Variants in BAHCC1 observed in about 807,000 individuals in gnomAD.
BAHCC1 encodes BAH domain and coiled-coil containing 1.
A neutral mutation model predicts 88.2 loss-of-function variants in BAHCC1; 43 were observed. The observed-to-expected ratio is 0.49, with a 90% CI of 0.38 to 0.63. The LOEUF is 0.63. BAHCC1 is among the 20% of genes least tolerant of loss of function. The pLI is 0.00. For missense variants in BAHCC1, 3,023 were observed against 1,654.8 expected (o/e 1.83, Z -14.34); for synonymous variants, 1,510 against 745.5 (o/e 2.03, Z -16.71).
At chr17:81,430,834 C>G (rs1402131454) in intron 3 of BAHCC1, among the ~76,000 whole-genome samples, 4 of 151,948 alleles carry the variant, frequency 2.6e-5, no homozygotes, top group Non-Finnish European at 4.4e-5. Flanking sequence ...GGCCCGCTGA[C>G]CACCCCAGCA....
intron 2 of BAHCC1, among the ~76,000 whole-genome samples, chr17:81,400,212 G>A (rs2063797041): frequency 1.3e-5 from 2 of 152,040 alleles, no homozygotes; most frequent in Admixed American, 1.3e-4. Context: ...GCCCCCTCCT[G>A]CAGATCTAAA....
chr17:81,452,542 G>A (rs1427490922), intron 13 of BAHCC1, among the ~76,000 whole-genome samples, 181 bp from the exon 14 acceptor site: 2 of 152,050 alleles, frequency 1.3e-5, no homozygotes, highest in African/African-American at 4.8e-5. Context: ...TAGGAGGTGG[G>A]GGCGGCGGGG....
chr17:81,461,292 T>A lies in BAHCC1; in HGVS notation c.6629T>A (p.Leu2210Gln). The change falls in exon 26 of 28, where the codon CTG becomes CAG. Residue 2210 changes from leucine (L) to glutamine (Q), a missense_variant. Physicochemically the swap from Leu to Gln is moderately radical, Grantham distance 113. Coordinates refer to ENST00000675386, the MANE Select transcript of BAHCC1 (RefSeq NM_001377448.1). ...RRAGGEFLVKLDHEGVTSPKN... is the reference protein window; with the variant it reads ...RRAGGEFLVKQDHEGVTSPKN... The stretch of plus-strand genomic sequence containing the variant: ...GCGGGCGGTGAGTTCCTGGTCAAGC[T>A]GGACCACGAGGGTGTGACCTCCCCC... 4.2e-6 allele frequency: 3 copies of A among 711,870 alleles called. No homozygotes were observed. The highest frequency in any genetic ancestry group is 7.8e-6 in the Non-Finnish European group (3 of 386,238). 44.1% of individuals were successfully genotyped at this position (711,870 alleles called of 1,614,324 possible). A position where few individuals can be genotyped will look rare whatever the true frequency, so the allele number is the denominator to read the frequency against.
At chr17:81,402,426 C>G (rs562113198) in intron 2 of BAHCC1, 9 of 152,294 alleles carry the variant, frequency 5.9e-5, no homozygotes, top group African/African-American at 2.2e-4. Flanking sequence ...TATATATGAT[C>G]TAGTTTAGAG....
At chr17:81,450,756 G>A (rs538421394) in intron 11 of BAHCC1, among the ~76,000 whole-genome samples, 17 of 152,268 alleles carry the variant, frequency 1.1e-4, no homozygotes, top group Admixed American at 4.6e-4. Context: ...ACCCCTGCCC[G>A]CTGCCCTCCT....
intron 3 of BAHCC1, among the ~76,000 whole-genome samples, chr17:81,436,717 C>T (rs2064342328): frequency 6.6e-6 from 1 of 152,322 alleles, no homozygotes; most frequent in African/African-American, 2.4e-5. Context: ...GTCGGCCAGG[C>T]TCGAGCCTCA....
chr17:81,440,799 C>T (rs1555652380), intron 4 of BAHCC1, among the ~76,000 whole-genome samples: 1 of 152,220 alleles, frequency 6.6e-6, no homozygotes, highest in African/African-American at 2.4e-5. Flanking sequence ...GCTCTCTGCC[C>T]CCGGAGCCAC....
chr17:81,461,182 G>T lies in BAHCC1; in HGVS notation c.6519G>T (p.Gly2173=). Residue 2173 remains glycine (G), a synonymous_variant, in exon 26 of 28, where the codon GGG becomes GGT. Coordinates refer to ENST00000675386, the MANE Select transcript of BAHCC1 (RefSeq NM_001377448.1). ...ACGCGCCCTTCGTCGGGGGGACCGG[G>T]CCGGGCCTCCCCAGGGGAGCCCACA... ...SSYAPFVGGT[G]PGLPRGAHKL... 3 of 746,440 alleles carry T rather than the reference G, an allele frequency of 4.0e-6. No homozygotes were observed. The highest frequency in any genetic ancestry group is 7.4e-6 in the Non-Finnish European group (3 of 407,214). The allele number at this position is 746,440 out of a possible 1,614,324, so 46.2% of individuals were successfully genotyped here. A position where few individuals can be genotyped will look rare whatever the true frequency, so the allele number is the denominator to read the frequency against.
chr17:81,458,476 G>T lies in BAHCC1; in HGVS notation c.5343+10G>T. 1 of 698,130 alleles carries T rather than the reference G, an allele frequency of 1.4e-6. No homozygotes were observed. The allele number at this position is 698,130 out of a possible 1,614,324, so 43.2% of individuals were successfully genotyped here. A position where few individuals can be genotyped will look rare whatever the true frequency, so the allele number is the denominator to read the frequency against. The stretch of plus-strand genomic sequence containing the variant: ...GCAGCCAGTGCTGCGGGTGAGGCTG[G>T]GCTCTGGGGTGCTGGGCGGAGAGGG... On this transcript the variant is annotated intron_variant, in intron 18 of 27. Coordinates refer to ENST00000675386, the MANE Select transcript of BAHCC1 (RefSeq NM_001377448.1).
rs1555654892 is a variant in BAHCC1, at chr17:81,447,546, A to G, written c.3674A>G (p.Asp1225Gly). 4 of 757,164 alleles carry G rather than the reference A, an allele frequency of 5.3e-6. No individual in the cohort carries two copies. Among genetic ancestry groups the G allele is most frequent in the Non-Finnish European group, 9.8e-6 (4 of 407,240 alleles). The allele number at this position is 757,164 out of a possible 1,614,324, so 46.9% of individuals were successfully genotyped here. Reference sequence around the variant, plus strand: ...GGGGAGCAGCCGGCCCCTGAGGAGGACGAGCTGGAGGAAGACGAGCTGGGG... The same window carrying G: ...GGGGAGCAGCCGGCCCCTGAGGAGGGCGAGCTGGAGGAAGACGAGCTGGGG... The part of the protein sequence containing the change: ...DEGEQPAPEE[D>G]ELEEDELGQQ... The change falls in exon 11 of 28, where the codon GAC (aspartate) becomes GGC (glycine). Residue 1225 changes from aspartate (D) to glycine (G), a missense_variant. Physicochemically the swap from Asp to Gly is moderately conservative, Grantham distance 94. Transcript: ENST00000675386.
chr17:81,453,638 G>A (rs1326863890), intron 14 of BAHCC1, among the ~76,000 whole-genome samples: 1 of 151,914 alleles, frequency 6.6e-6, no homozygotes, highest in African/African-American at 2.4e-5. Flanking sequence ...CTCCTGGGGG[G>A]GGGTCTCCTG....
intron 2 of BAHCC1, among the ~76,000 whole-genome samples, chr17:81,418,145 T>C (rs1276660429): frequency 1.3e-5 from 2 of 151,930 alleles, no homozygotes; most frequent in African/African-American, 4.8e-5. Context: ...GTCCACCAGG[T>C]GTGGAGGGAG....
rs782666063 is a variant in BAHCC1 at position 81,462,084 on chromosome 17, C to T, written c.7383+38C>T. 14 of 704,822 alleles carry T rather than the reference C, an allele frequency of 2.0e-5. No individual in the cohort carries two copies. The Admixed American group carries it at 2.7e-4, about 14-fold the overall frequency. 43.7% of individuals were successfully genotyped at this position (704,822 alleles called of 1,614,324 possible). ...GGAGGCGGGAGGAGCTCCTGGTTCC[C>T]AAGGAAACCGGGGCGGGCTCATGCG... is the stretch of plus-strand genomic sequence containing the variant. On this transcript the variant is annotated intron_variant, in intron 26 of 27. Transcript: ENST00000675386.
intron 2 of BAHCC1, chr17:81,422,799 G>A (rs782448735): frequency 1.1e-5 from 5 of 441,472 alleles, no homozygotes; most frequent in South Asian, 3.2e-5. Context: ...CCACCATCCC[G>A]AGGAGGAAAA....
chr17:81,419,117 A>G (rs1555649254), intron 2 of BAHCC1, among the ~76,000 whole-genome samples: 1 of 152,078 alleles, frequency 6.6e-6, no homozygotes, highest in Admixed American at 6.5e-5. Context: ...CCCAGCATGC[A>G]CCTGCCTGTC....
At chr17:81,458,582 A>C in intron 18 of BAHCC1, 39 bp from the exon 19 acceptor site, 1 of 704,448 alleles carries the variant, frequency 1.4e-6, no homozygotes. Flanking sequence ...AGGCTGTCCC[A>C]CCCTTGACTC....
chr17:81,415,637 C>T (rs1458856237), intron 2 of BAHCC1: 1 of 488,260 alleles, frequency 2.0e-6, no homozygotes, highest in Non-Finnish European at 4.1e-6. Flanking sequence ...CTCTTGGCAC[C>T]TGGTCCTTCT....
chr17:81,411,813 C>A lies in BAHCC1; in HGVS notation c.178+11896C>A, dbSNP rs1011562016. Reference sequence around the variant, plus strand: ...CTCTACCCACACCTGCACGCCTCAGCAAGGTCGTTCCCGACAAGCCCCTCA... The same window carrying A: ...CTCTACCCACACCTGCACGCCTCAGAAAGGTCGTTCCCGACAAGCCCCTCA... On this transcript the variant is annotated intron_variant, in intron 2 of 27. Coordinates refer to ENST00000675386, the MANE Select transcript of BAHCC1 (RefSeq NM_001377448.1). This position sits in a 1 kb window ranked among gnomAD's most constrained non-coding sequence, Gnocchi z 6.2. Among the ~76,000 whole-genome samples the A allele has an allele frequency of 2.0e-5, 3 of 152,248 alleles. No homozygotes were observed. The highest frequency in any genetic ancestry group is 4.4e-5 in the Non-Finnish European group (3 of 68,046).
chr17:81,411,747 G>A lies in BAHCC1; in HGVS notation c.178+11830G>A, dbSNP rs1444047518. On this transcript the variant is annotated intron_variant, in intron 2 of 27. Transcript: ENST00000675386. This position sits in a 1 kb window ranked among gnomAD's most constrained non-coding sequence, Gnocchi z 6.2. ...GGCCTCAGCATAGTCCTTGAGCTCT[G>A]GGGGCCCCAACCCAGCCTCCCTGGG... 7.9e-6 allele frequency: 2 copies of A among 253,242 alleles called. No individual in the cohort carries two copies. Among genetic ancestry groups the A allele is most frequent in the East Asian group, 2.8e-4 (2 of 7,254 alleles). The allele number at this position is 253,242 out of a possible 1,614,324, so 15.7% of individuals were successfully genotyped here.
Sources: gnomAD v4.1 joint callset for allele counts (sites outside exome capture counted in the v4.1 genomes callset) on GRCh38, gnomAD v4.1.1 for gene constraint, Gnocchi (gnomAD v3.1) non-coding constraint, MANE v1.5 for transcripts, NCBI Gene and HGNC (gene_info 2026-07-23, HGNC 2026-07-21) for gene names.